The following NLRC4 variants were observed in gnomAD, a reference collection of about 807,000 sequenced individuals.
NLRC4 encodes the protein NLR family CARD domain-containing protein 4.
NLRC4 carries 63 observed loss-of-function variants against 79.9 expected under a neutral mutation model. The ratio of observed to expected loss-of-function variants is 0.79; its 90% confidence interval spans 0.64 to 0.97. The LOEUF (loss-of-function observed/expected upper bound fraction) is 0.97. Among genes scored for constraint, NLRC4 ranks in the 50% least tolerant of loss-of-function variants. NLRC4 has a pLI of 0.00. For missense variants in NLRC4, 1,074 were observed against 1,215.2 expected (o/e 0.88, Z 1.73); for synonymous variants, 461 against 456.5 (o/e 1.01, Z -0.12).
intron 4 of NLRC4, among the ~76,000 whole-genome samples, chr2:32,243,774 T>C (rs1356245813): frequency 2.1e-5 from 3 of 144,922 alleles, no homozygotes; most frequent in African/African-American, 5.2e-5. Flanking sequence ...CTCAGCCTGG[T>C]GACACAGCAA....
intron 2 of NLRC4, among the ~76,000 whole-genome samples, chr2:32,254,352 T>TC (rs34108549): frequency 0.59 from 89,068 of 151,700 alleles, 26,724 homozygotes; most frequent in Non-Finnish European, 0.63. Flanking sequence ...ACATTGTATC[T>TC]CCACAGACTT....
intron 8 of NLRC4, among the ~76,000 whole-genome samples, chr2:32,232,443 A>G (rs576262841): frequency 5.9e-5 from 9 of 152,314 alleles, no homozygotes; most frequent in South Asian, 2.1e-4. Flanking sequence ...TTTTGTCAGG[A>G]AAGTACACCC....
Position 32,227,324 on chromosome 2 carries a change from G to T in NLRC4, c.2783-2559C>A, listed in dbSNP as rs115445470. On this transcript the variant is annotated intron_variant, in intron 8 of 8. Coordinates refer to ENST00000402280, the MANE Select transcript of NLRC4 (RefSeq NM_001199138.2). ...ATAGTTGGGTCTCTGTTATCACAGCGTAGCCTATGCCCAGCCCAAATAGTA... is the reference window on the plus strand; with the variant it reads ...ATAGTTGGGTCTCTGTTATCACAGCTTAGCCTATGCCCAGCCCAAATAGTA... Among the ~76,000 whole-genome samples the T allele has an allele frequency of 6.5e-3, 994 of 152,296 alleles. 14 individuals carry two copies. The highest frequency in any genetic ancestry group is 0.023 in the African/African-American group (959 of 41,568).
rs1283568725 is a variant in NLRC4 at position 32,235,470 on chromosome 2, C to T, written c.2713G>A (p.Glu905Lys). Reference sequence around the variant, plus strand: ...CCAAGCTTGACGAGTTGTGGGACCTCCTCCAAATGTTTCAACAGGCTGCTC... The same window carrying T: ...CCAAGCTTGACGAGTTGTGGGACCTTCTCCAAATGTTTCAACAGGCTGCTC... ...SLSSLLKHLE[E>K]VPQLVKLGLK... is the part of the protein sequence containing the mutation. The change falls in exon 8 of 9, where the codon GAG becomes AAG. Residue 905 changes from glutamate to lysine, a missense_variant. By Grantham distance (56) the Glu-to-Lys change is moderately conservative. Transcript: ENST00000402280. The T allele has an allele frequency of 1.9e-6, 3 of 1,614,008 alleles. No homozygotes were observed. The African/African-American group carries it at 4.0e-5, about 22-fold the overall frequency.
chr2:32,240,827 G>A (rs568145612), intron 5 of NLRC4, among the ~76,000 whole-genome samples: 78 of 152,244 alleles, frequency 5.1e-4, no homozygotes, highest in African/African-American at 1.8e-3. Flanking sequence ...TTCCCAAAAG[G>A]GTTACCATCT....
intron 6 of NLRC4, among the ~76,000 whole-genome samples, chr2:32,237,457 C>G (rs1054184120): frequency 1.3e-5 from 2 of 152,106 alleles, no homozygotes; most frequent in African/African-American, 4.8e-5. Context: ...CTTATCCAGC[C>G]TTTTTCAACT....
chr2:32,264,011 A>G (rs1447788137), intron 1 of NLRC4, among the ~76,000 whole-genome samples: 1 of 152,130 alleles, frequency 6.6e-6, no homozygotes, highest in Admixed American at 6.6e-5. Flanking sequence ...GTAAAGGGTG[A>G]TTTCCTTCAC....
chr2:32,238,314 TAGAA>T lies in NLRC4; in HGVS notation c.2351-16_2351-13del. 2.5e-6 allele frequency: 4 copies of T among 1,604,446 alleles called. No individual in the cohort carries two copies. Among genetic ancestry groups the T allele is most frequent in the South Asian group, 1.1e-5 (1 of 89,610 alleles). On this transcript the variant is annotated splice_polypyrimidine_tract_variant and intron_variant, in intron 5 of 8. Coordinates refer to ENST00000402280, the MANE Select transcript of NLRC4 (RefSeq NM_001199138.2). ...TTTCAGGCCTTCAGCTGAAAAATGA[TAGAA>T]AGGAATGCATTAGGATACCAAGTTA...
In NLRC4 at chr2:32,251,451, A is replaced by G. The variant is rs1406979462; in HGVS notation, c.413T>C (p.Val138Ala). ...ATGGTGTTGGTCCTTCCTCCACAGGACAGGTTCTGTGAAGGTGCTTTTCAA... is the reference window on the plus strand; with the variant it reads ...ATGGTGTTGGTCCTTCCTCCACAGGGCAGGTTCTGTGAAGGTGCTTTTCAA... ...FNLKSTFTEP[V>A]LWRKDQHHHR... Residue 138 changes from valine (V) to alanine (A), a missense_variant, in exon 4 of 9, where the codon GTC becomes GCC. Val to Ala is a moderately conservative substitution (Grantham distance 64). Transcript: ENST00000402280. 6.2e-7 allele frequency: 1 copy of G among 1,614,126 alleles called. No individual in the cohort carries two copies. The highest frequency in any genetic ancestry group is 1.7e-5 in the Admixed American group (1 of 59,996).
At chr2:32,231,236 C>T (rs1396270088) in intron 8 of NLRC4, among the ~76,000 whole-genome samples, 1 of 152,096 alleles carries the variant, frequency 6.6e-6, no homozygotes, top group Non-Finnish European at 1.5e-5. Context: ...CTCACTGCAA[C>T]CTCTGCCTCC....
intron 1 of NLRC4, among the ~76,000 whole-genome samples, chr2:32,260,516 G>C (rs1469001760): frequency 6.6e-6 from 1 of 152,126 alleles, no homozygotes; most frequent in Non-Finnish European, 1.5e-5. Flanking sequence ...GGATAAGAAA[G>C]TCCTAGATAA....
chr2:32,242,293 A>T (rs1189395170), intron 4 of NLRC4, among the ~76,000 whole-genome samples: 2 of 152,228 alleles, frequency 1.3e-5, no homozygotes, highest in African/African-American at 4.8e-5. Context: ...GAAAAAGAAG[A>T]CAAAAATTAC....
At chr2:32,233,338 TATATATATATA>T (rs1257762375) in intron 8 of NLRC4, among the ~76,000 whole-genome samples, 4 of 44,206 alleles carry the variant, frequency 9.0e-5, no homozygotes, top group Admixed American at 2.5e-4. Flanking sequence ...TATATATATA[TATATATATATA>T]TTTTTTTTTT....
In NLRC4 at chr2:32,236,246, C is replaced by A; in HGVS notation, c.2614+1G>T. On this transcript the variant is annotated splice_donor_variant, in intron 7 of 8. Transcript: ENST00000402280. LOFTEE classifies it high-confidence loss of function. ...AATTTTGGCTGAATTGTCATTCTTA[C>A]TCAGTTCATGAAGAGCTTCATTTCC... The A allele has an allele frequency of 1.3e-6, 2 of 1,584,848 alleles. No individual in the cohort carries two copies. The highest frequency in any genetic ancestry group is 1.7e-6 in the Non-Finnish European group (2 of 1,157,312).
intron 8 of NLRC4, among the ~76,000 whole-genome samples, chr2:32,230,455 G>A (rs571069267): frequency 6.6e-6 from 1 of 151,234 alleles, no homozygotes; most frequent in Non-Finnish European, 1.5e-5. Flanking sequence ...GTGAGCCACT[G>A]GGCCCAGCCC....
chr2:32,234,632 G>A (rs1686630339), intron 8 of NLRC4, among the ~76,000 whole-genome samples: 1 of 152,150 alleles, frequency 6.6e-6, no homozygotes, highest in Non-Finnish European at 1.5e-5. Context: ...GAAATGAGTG[G>A]GCTGCCATGT....
chr2:32,238,755 A>G (rs562109816), intron 5 of NLRC4, among the ~76,000 whole-genome samples: 3 of 152,056 alleles, frequency 2.0e-5, no homozygotes, highest in Non-Finnish European at 4.4e-5. Context: ...CCTTGCCTGG[A>G]CTCATGATAT....
Position 32,252,498 on chromosome 2 carries a change from CT to C in NLRC4, c.182del (p.Lys61ArgfsTer24), listed in dbSNP as rs1248835702. ...GAAAGAGGTTACAGGACTCTGAACC[CT>C]TTTTCAAAATCATGTGAATGATCCC... ...ARGIIHMILKKGSESCNLFLK... is the reference protein window; with the variant it reads ...ARGIIHMILKXGSESCNLFLK... On this transcript the variant is annotated frameshift_variant, in exon 3 of 9. Transcript: ENST00000402280. LOFTEE classifies it high-confidence loss of function. 2 of 1,613,498 alleles carry C rather than the reference CT, an allele frequency of 1.2e-6. No individual in the cohort carries two copies. Among genetic ancestry groups the C allele is most frequent in the Non-Finnish European group, 1.7e-6 (2 of 1,179,520 alleles).
intron 8 of NLRC4, among the ~76,000 whole-genome samples, chr2:32,229,615 CTG>C (rs1686484986): frequency 6.6e-6 from 1 of 152,160 alleles, no homozygotes; most frequent in African/African-American, 2.4e-5. Flanking sequence ...AATGCAATCT[CTG>C]AGGAAGAACA....
Sources: gnomAD v4.1 joint callset for allele counts (sites outside exome capture counted in the v4.1 genomes callset) on GRCh38, gnomAD v4.1.1 for gene constraint, MANE v1.5 for transcripts, NCBI Gene and HGNC (gene_info 2026-07-23, HGNC 2026-07-21) for gene names.